The following GOLGA4 variants were observed in gnomAD, a reference collection of about 807,000 sequenced individuals.
The protein encoded by GOLGA4 is golgin subfamily A member 4.
Under a neutral mutation model 265.9 loss-of-function variants are expected in GOLGA4, and 169 were observed. The ratio of observed to expected loss-of-function variants is 0.64; its 90% CI spans 0.56 to 0.72. The LOEUF is 0.72. GOLGA4 is among the 30% of genes least tolerant of loss of function. The pLI, the probability that GOLGA4 is intolerant of heterozygous loss-of-function variation, is 0.00. For synonymous variants in GOLGA4, 923 were observed against 855.8 expected, an observed-to-expected ratio of 1.08 and a Z score of -1.37; for missense variants, 2,482 against 2,483.4, an observed-to-expected ratio of 1.00 and a Z score of 0.01.
intron 14 of GOLGA4, 125 bp from the exon 15 acceptor site, chr3:37,328,291 C>CTCTG: frequency 1.2e-6 from 1 of 857,662 alleles, no homozygotes; most frequent in Non-Finnish European, 1.9e-6. Context: ...CTCTCTCTCT[C>CTCTG]TCTCTCTCTC....
rs375858780 is a variant in GOLGA4, at chr3:37,340,313, A to G, written c.6472+114A>G. 148 of 492,188 alleles carry G rather than the reference A, an allele frequency of 3.0e-4. 2 individuals carry two copies. In the South Asian group the frequency reaches 5.6e-3, roughly 19 times the overall value. 30.5% of individuals were successfully genotyped at this position (492,188 alleles called of 1,614,324 possible). A position where few individuals can be genotyped will look rare whatever the true frequency, so the allele number is the denominator to read the frequency against. ...ATTTTTTTCTCATTTTAAAATTTTT[A>G]ATGATTTTATTTTTTCTTAATTGAC... On this transcript the variant is annotated intron_variant, in intron 20 of 23. Coordinates refer to ENST00000361924, the MANE Select transcript of GOLGA4 (RefSeq NM_002078.5).
Position 37,327,471 on chromosome 3 carries a change from G to T in GOLGA4, c.5585G>T (p.Cys1862Phe), listed in dbSNP as rs2096975491. 6.2e-7 allele frequency: 1 copy of T among 1,613,018 alleles called. No homozygotes were observed. Among genetic ancestry groups the T allele is most frequent in the African/African-American group, 1.3e-5 (1 of 74,794 alleles). The change falls in exon 14 of 24, where the codon TGC becomes TTC. Residue 1862 changes from cysteine to phenylalanine, a missense_variant. By Grantham distance (205) the Cys-to-Phe change is radical. Transcript: ENST00000361924. ...LEQKIKELDS[C>F]LVRQKEVHRV... is the part of the protein sequence containing the mutation. Reference sequence around the variant, plus strand: ...CAAAAGATAAAAGAGCTGGATTCCTGCTTAGTAAGACAGAAAGAAGTACAT... The same window carrying T: ...CAAAAGATAAAAGAGCTGGATTCCTTCTTAGTAAGACAGAAAGAAGTACAT...
In GOLGA4 at chr3:37,286,063, TA is replaced by T; in HGVS notation, c.525+4del. On this transcript the variant is annotated splice_donor_region_variant and intron_variant, in intron 4 of 23. Coordinates refer to ENST00000361924, the MANE Select transcript of GOLGA4 (RefSeq NM_002078.5). ...CAGAGAGAGAAGAAAAAGCTACAAG[TA>T]AGTGATTTGTCAACTGCATTACTGA... 6.5e-7 allele frequency: 1 copy of T among 1,543,462 alleles called. No homozygotes were observed. The highest frequency in any genetic ancestry group is 8.9e-7 in the Non-Finnish European group (1 of 1,120,970).
chr3:37,257,765 T>G (rs935766156), intron 2 of GOLGA4, among the ~76,000 whole-genome samples: 1 of 151,264 alleles, frequency 6.6e-6, no homozygotes, highest in Non-Finnish European at 1.5e-5. Flanking sequence ...GCTGTCTTCC[T>G]GAGACACTTC....
chr3:37,294,800 A>G (rs2096873886), intron 5 of GOLGA4, among the ~76,000 whole-genome samples, 179 bp from the exon 6 acceptor site: 2 of 152,198 alleles, frequency 1.3e-5, no homozygotes. Context: ...GAACAAAATC[A>G]TTTGTTGATG....
rs947862121 is a variant in GOLGA4, at chr3:37,352,280, A to G, written c.6577-2821A>G. Among the ~76,000 whole-genome samples, 4 of 152,088 alleles carry G rather than the reference A, an allele frequency of 2.6e-5. No individual in the cohort carries two copies. In the East Asian group the frequency reaches 7.7e-4, roughly 29 times the overall value. ...GGAAGGCCTCAGGAAACTTATAATC[A>G]TGGTGGAAGGGGATGTAAACACATC... On this transcript the variant is annotated intron_variant, in intron 21 of 23. Transcript: ENST00000361924.
intron 11 of GOLGA4, 26 bp from the exon 12 acceptor site, chr3:37,319,037 A>C: frequency 6.5e-7 from 1 of 1,529,002 alleles, no homozygotes; most frequent in Non-Finnish European, 8.9e-7. Flanking sequence ...GGGTGTCCTT[A>C]TATTATCTAT....
At chr3:37,355,906 C>A (rs563489947) in intron 22 of GOLGA4, among the ~76,000 whole-genome samples, 13 of 152,062 alleles carry the variant, frequency 8.5e-5, no homozygotes, top group Non-Finnish European at 1.6e-4. Context: ...CGTGAATACC[C>A]TTCTCCTCCC....
intron 17 of GOLGA4, among the ~76,000 whole-genome samples, chr3:37,336,846 T>A (rs951257488): frequency 1.3e-5 from 2 of 152,144 alleles, no homozygotes; most frequent in Non-Finnish European, 2.9e-5. Flanking sequence ...TTTTTATTTC[T>A]ACTCAACATT....
intron 6 of GOLGA4, among the ~76,000 whole-genome samples, chr3:37,295,372 C>G (rs1327955146): frequency 6.6e-6 from 1 of 152,132 alleles, no homozygotes; most frequent in Non-Finnish European, 1.5e-5. Flanking sequence ...GCATATGCCA[C>G]CACGCCCAGC....
At chr3:37,357,294 T>C (rs945849368) in intron 22 of GOLGA4, among the ~76,000 whole-genome samples, 1 of 152,110 alleles carries the variant, frequency 6.6e-6, no homozygotes, top group African/African-American at 2.4e-5. Context: ...TCATTATCTC[T>C]TGCTTAATGA....
rs2097018537 is a variant in GOLGA4 at position 37,337,603 on chromosome 3, G to C, written c.6328-63G>C. 6 of 1,116,412 alleles carry C rather than the reference G, an allele frequency of 5.4e-6. No homozygotes were observed. The South Asian group carries it at 7.4e-5, about 14-fold the overall frequency. The allele number at this position is 1,116,412 out of a possible 1,614,324, so 69.2% of individuals were successfully genotyped here. A position where few individuals can be genotyped will look rare whatever the true frequency, so the allele number is the denominator to read the frequency against. On this transcript the variant is annotated intron_variant, in intron 18 of 23. Coordinates refer to ENST00000361924, the MANE Select transcript of GOLGA4 (RefSeq NM_002078.5). ...CTAACAAAAATTTCCAAGCAGTGCAGAAATGTGTCTGGGCAATAATGAAAC... is the reference window on the plus strand; with the variant it reads ...CTAACAAAAATTTCCAAGCAGTGCACAAATGTGTCTGGGCAATAATGAAAC...
intron 3 of GOLGA4, among the ~76,000 whole-genome samples, chr3:37,283,193 TATACA>T (rs892246679): frequency 9.9e-5 from 15 of 152,080 alleles, no homozygotes; most frequent in African/African-American, 3.4e-4. Flanking sequence ...CCAAATGAAA[TATACA>T]AGATAAGATA....
rs773706029 is a variant in GOLGA4 at position 37,326,927 on chromosome 3, T to C, written c.5041T>C (p.Leu1681=). 2 of 1,613,726 alleles carry C rather than the reference T, an allele frequency of 1.2e-6. No individual in the cohort carries two copies. Among genetic ancestry groups the C allele is most frequent in the Non-Finnish European group, 1.7e-6 (2 of 1,179,798 alleles). ...CCATTTGAGTGAGCTAAATACAAAA[T>C]TGCAGGAAAGAGAAAGGGAAGTTCA... The part of the protein sequence containing the change: ...ESHLSELNTK[L]QEREREVHIL... Residue 1681 remains leucine (L), a synonymous_variant, in exon 14 of 24, where the codon TTG becomes CTG. Coordinates refer to ENST00000361924, the MANE Select transcript of GOLGA4 (RefSeq NM_002078.5).
rs2097028614 is a variant in GOLGA4 at position 37,340,206 on chromosome 3, A to T, written c.6472+7A>T. The T allele has an allele frequency of 6.0e-6, 7 of 1,176,222 alleles. No individual in the cohort carries two copies. The East Asian group carries it at 1.8e-4, about 30-fold the overall frequency. The allele number at this position is 1,176,222 out of a possible 1,614,324, so 72.9% of individuals were successfully genotyped here. On this transcript the variant is annotated splice_region_variant and intron_variant, in intron 20 of 23. Coordinates refer to ENST00000361924, the MANE Select transcript of GOLGA4 (RefSeq NM_002078.5). ...GTGGGGACACCTTACAAAGGTAAGG[A>T]TGATCTCGTGTCATGTTATTAACTG...
Position 37,325,386 on chromosome 3 carries a change from A to G in GOLGA4, c.3500A>G (p.Asp1167Gly). Reference sequence around the variant, plus strand: ...GAACTGAAGATGCTGGCAGAAGAAGATAAGCGGAAGGTTTCTGAGTTGACT... The same window carrying G: ...GAACTGAAGATGCTGGCAGAAGAAGGTAAGCGGAAGGTTTCTGAGTTGACT... ...LVELKMLAEE[D>G]KRKVSELTSK... is the part of the protein sequence containing the mutation. Residue 1167 changes from aspartate (D) to glycine (G), a missense_variant, in exon 14 of 24, where the codon GAT becomes GGT. Asp to Gly is a moderately conservative substitution (Grantham distance 94). Around this residue, in one of 3 missense-constraint regions of GOLGA4, gnomAD observed 1,536 missense variants for 1,483.7 expected, o/e 1.04. Coordinates refer to ENST00000361924, the MANE Select transcript of GOLGA4 (RefSeq NM_002078.5). The G allele has an allele frequency of 3.1e-6, 5 of 1,613,058 alleles. No homozygotes were observed. The highest frequency in any genetic ancestry group is 4.2e-6 in the Non-Finnish European group (5 of 1,179,610).
At chr3:37,323,350 A>G (rs1442156590) in intron 13 of GOLGA4, among the ~76,000 whole-genome samples, 1 of 152,008 alleles carries the variant, frequency 6.6e-6, no homozygotes, top group African/African-American at 2.4e-5. Flanking sequence ...CTGGGTCTCA[A>G]ACTCCCGGCT....
intron 2 of GOLGA4, chr3:37,275,563 G>C: frequency 9.4e-7 from 1 of 1,067,556 alleles, no homozygotes; most frequent in Non-Finnish European, 1.4e-6. Context: ...GTGAGGAAGG[G>C]GGCCTAGGCC....
At chr3:37,297,072 A>T (rs911346032) in intron 7 of GOLGA4, among the ~76,000 whole-genome samples, 28 of 152,362 alleles carry the variant, frequency 1.8e-4, no homozygotes, top group African/African-American at 6.5e-4. Flanking sequence ...TTGCTTAAAT[A>T]GTTCTATATT....
Sources: gnomAD v4.1 joint callset for allele counts (sites outside exome capture counted in the v4.1 genomes callset) on GRCh38, gnomAD v4.1.1 for gene constraint, gnomAD v4.1.1 regional missense constraint, MANE v1.5 for transcripts, NCBI Gene and HGNC (gene_info 2026-07-23, HGNC 2026-07-21) for gene names.